C8orf74: variants seen among roughly 807,000 people sequenced by gnomAD.
C8orf74 encodes the protein uncharacterized protein C8orf74.
A neutral mutation model predicts 22.2 loss-of-function variants in C8orf74; 29 were observed. The observed-to-expected ratio is 1.31, with a 90% CI of 0.97 to 1.78. The LOEUF (loss-of-function observed/expected upper bound fraction) is 1.78. C8orf74 is among the 40% of genes most tolerant of loss of function. The pLI is 0.00. For missense variants in C8orf74, 515 were observed against 369.9 expected (o/e 1.39, Z -3.22); for synonymous variants, 255 against 163.1 (o/e 1.56, Z -4.30).
chr8:10,682,463 G>C (rs1406953044), intron 2 of C8orf74, among the ~76,000 whole-genome samples: 1 of 152,178 alleles, frequency 6.6e-6, no homozygotes, highest in Non-Finnish European at 1.5e-5. Context: ...TTCTCCCGAA[G>C]CCTCTCTCCT....
chr8:10,683,311 T>C (rs1485744533), intron 2 of C8orf74, among the ~76,000 whole-genome samples: 1 of 152,222 alleles, frequency 6.6e-6, no homozygotes, highest in African/African-American at 2.4e-5. Flanking sequence ...GCCCTTTGGC[T>C]AAGGTGTCCT....
chr8:10,685,783 T>C (rs1799250454), intron 2 of C8orf74, among the ~76,000 whole-genome samples: 1 of 152,178 alleles, frequency 6.6e-6, no homozygotes, highest in Non-Finnish European at 1.5e-5. Context: ...AAAATAGTTA[T>C]AATCGGCCGG....
chr8:10,672,946 C>A (rs1270084099), intron 1 of C8orf74, among the ~76,000 whole-genome samples: 1 of 152,162 alleles, frequency 6.6e-6, no homozygotes, highest in Non-Finnish European at 1.5e-5. Flanking sequence ...AGGAGCAGAT[C>A]CTGCCTGAAG....
chr8:10,678,236 G>A (rs746190672), intron 2 of C8orf74, among the ~76,000 whole-genome samples: 6 of 152,186 alleles, frequency 3.9e-5, no homozygotes, highest in Non-Finnish European at 8.8e-5. Flanking sequence ...ATCCTTCTGA[G>A]CCTCTGTGGA....
chr8:10,680,477 C>G (rs1287408804), intron 2 of C8orf74, among the ~76,000 whole-genome samples: 1 of 152,198 alleles, frequency 6.6e-6, no homozygotes, highest in Non-Finnish European at 1.5e-5. Flanking sequence ...CCACCTATGT[C>G]CAAGACTCAT....
At chr8:10,691,132 C>A (rs1220165923) in intron 2 of C8orf74, 5 of 361,984 alleles carry the variant, frequency 1.4e-5, no homozygotes, top group Middle Eastern at 3.9e-4. Context: ...AAACCCAGAA[C>A]CAGCCAAGAG....
intron 2 of C8orf74, among the ~76,000 whole-genome samples, chr8:10,694,153 T>C (rs1025857389): frequency 6.6e-6 from 1 of 152,076 alleles, no homozygotes; most frequent in Non-Finnish European, 1.5e-5. Flanking sequence ...CTCTTTACTA[T>C]GCACTGTCAT....
At chr8:10,699,529 T>A (rs781264031) in intron 3 of C8orf74, among the ~76,000 whole-genome samples, 3 of 152,246 alleles carry the variant, frequency 2.0e-5, no homozygotes, top group Non-Finnish European at 2.9e-5. Flanking sequence ...GCTGTGTGGT[T>A]GCTCGGGCAA....
rs751639132 is a variant in C8orf74, at chr8:10,700,372, C to A, written c.786C>A (p.Pro262=). The A allele has an allele frequency of 3.0e-5, 49 of 1,608,522 alleles. No individual in the cohort carries two copies. Among genetic ancestry groups the A allele is most frequent in the Non-Finnish European group, 4.2e-5 (49 of 1,174,996 alleles). Residue 262 remains proline, a synonymous_variant, in exon 4 of 4, where the codon CCC becomes CCA. Coordinates refer to ENST00000304519, the MANE Select transcript of C8orf74 (RefSeq NM_001040032.2). ...AGAAGACTCTGAACCTCAACGCCCC[C>A]ACCCCTATCCCGCCCCCCATCACCA... ...LQKKTLNLNA[P]TPIPPPITSH...
intron 2 of C8orf74, among the ~76,000 whole-genome samples, chr8:10,690,540 C>T (rs999805895): frequency 6.6e-6 from 1 of 152,152 alleles, no homozygotes; most frequent in African/African-American, 2.4e-5. Flanking sequence ...AGCAGTGCCA[C>T]GCTGTAGCCT....
At chr8:10,682,400 C>T (rs1359335513) in intron 2 of C8orf74, among the ~76,000 whole-genome samples, 1 of 152,166 alleles carries the variant, frequency 6.6e-6, no homozygotes, top group Non-Finnish European at 1.5e-5. Context: ...ACATTTATTT[C>T]CTCATAGTTC....
At chr8:10,698,478 A>G (rs1263817324) in intron 3 of C8orf74, among the ~76,000 whole-genome samples, 2 of 152,118 alleles carry the variant, frequency 1.3e-5, no homozygotes. Flanking sequence ...CCAGGGAGAC[A>G]AAGGCTGGAG....
intron 2 of C8orf74, among the ~76,000 whole-genome samples, chr8:10,676,631 G>T (rs553283771): frequency 1.8e-4 from 28 of 152,082 alleles, no homozygotes; most frequent in Non-Finnish European, 3.4e-4. Context: ...CCCACCCAGT[G>T]GTCCCAGCCT....
At chr8:10,686,186 T>A (rs1364883867) in intron 2 of C8orf74, among the ~76,000 whole-genome samples, 1 of 152,240 alleles carries the variant, frequency 6.6e-6, no homozygotes, top group Non-Finnish European at 1.5e-5. Context: ...GTGCTGTATA[T>A]TTCATATATC....
Position 10,700,365 on chromosome 8 carries a change from A to G in C8orf74, c.779A>G (p.Asn260Ser). 6.2e-7 allele frequency: 1 copy of G among 1,612,916 alleles called. No homozygotes were observed. Among genetic ancestry groups the G allele is most frequent in the Non-Finnish European group, 8.5e-7 (1 of 1,179,052 alleles). ...CTTCAGAAGAAGACTCTGAACCTCA[A>G]CGCCCCCACCCCTATCCCGCCCCCC... ...LKLQKKTLNLNAPTPIPPPIT... is the reference protein window; with the variant it reads ...LKLQKKTLNLSAPTPIPPPIT... Residue 260 changes from asparagine to serine, a missense_variant, in exon 4 of 4, where the codon AAC (asparagine) becomes AGC (serine). Physicochemically the swap from Asn to Ser is conservative, Grantham distance 46. Coordinates refer to ENST00000304519, the MANE Select transcript of C8orf74 (RefSeq NM_001040032.2).
intron 2 of C8orf74, chr8:10,687,380 T>C (rs1429840168): frequency 3.6e-6 from 1 of 274,700 alleles, no homozygotes; most frequent in East Asian, 1.0e-4. Flanking sequence ...CTAGGCGCAA[T>C]GGCTAACACA....
Position 10,685,019 on chromosome 8 carries a change from G to A in C8orf74, c.241+10181G>A, listed in dbSNP as rs562870761. On this transcript the variant is annotated intron_variant, in intron 2 of 3. Transcript: ENST00000304519. ...GAGTGATCCACTCCCCACAGGGGGC[G>A]GAGCAAGATGACCCAGATTCCATCA... 2.6e-4 allele frequency among the ~76,000 whole-genome samples: 39 copies of A among 152,338 alleles called. No individual in the cohort carries two copies. The East Asian group carries it at 4.6e-3, about 18-fold the overall frequency.
chr8:10,674,727 C>T lies in C8orf74; in HGVS notation c.130C>T (p.Leu44=). ...DEQRDSRRSI[L]LDTLYESIIF... is the part of the protein sequence containing the mutation. ...ACAGAGAGACTCCCGGAGGAGCATC[C>T]TGCTGGACACCCTCTACGAGAGCAT... Residue 44 remains leucine, a synonymous_variant, in exon 2 of 4, where the codon CTG becomes TTG. Coordinates refer to ENST00000304519, the MANE Select transcript of C8orf74 (RefSeq NM_001040032.2). 6.2e-7 allele frequency: 1 copy of T among 1,608,384 alleles called. No homozygotes were observed. The highest frequency in any genetic ancestry group is 2.2e-5 in the East Asian group (1 of 44,712).
chr8:10,698,008 G>A lies in C8orf74; in HGVS notation c.648+3G>A. ...CCGGCCAGGTCCTGGAGAGACAGGT[G>A]AGGCTCTGCCCCCCTGCCGTGGGTG... On this transcript the variant is annotated splice_donor_region_variant and intron_variant, in intron 3 of 3. Transcript: ENST00000304519. 6.8e-7 allele frequency: 1 copy of A among 1,470,184 alleles called. No individual in the cohort carries two copies. The highest frequency in any genetic ancestry group is 2.5e-4 in the Middle Eastern group (1 of 4,054). The allele number at this position is 1,470,184 out of a possible 1,614,324, so 91.1% of individuals were successfully genotyped here.
Sources: allele counts gnomAD v4.1 joint callset (sites outside exome capture counted in the v4.1 genomes callset), GRCh38; gene constraint gnomAD v4.1.1; transcripts MANE v1.5; gene names NCBI Gene and HGNC (gene_info 2026-07-23, HGNC 2026-07-21).